EDIL3: variants seen among roughly 807,000 people sequenced by gnomAD.
EDIL3 encodes EGF-like repeat and discoidin I-like domain-containing protein 3.
A neutral mutation model predicts 67.4 loss-of-function variants in EDIL3; 37 were observed. The ratio of observed to expected loss-of-function variants is 0.55; its 90% confidence interval spans 0.42 to 0.72. The LOEUF (loss-of-function observed/expected upper bound fraction) is 0.72. EDIL3 is among the 30% of genes least tolerant of loss of function. The pLI is 0.00. For missense variants in EDIL3, 527 were observed against 586.3 expected (o/e 0.90, Z 1.04); for synonymous variants, 195 against 196.3 (o/e 0.99, Z 0.05).
chr5:84,083,401 A>G (rs1350818334), intron 6 of EDIL3, among the ~76,000 whole-genome samples: 2 of 152,166 alleles, frequency 1.3e-5, no homozygotes, highest in Non-Finnish European at 2.9e-5. Context: ...CATCAGTACA[A>G]TATGACCACT....
intron 9 of EDIL3, among the ~76,000 whole-genome samples, chr5:83,971,292 T>A (rs1036690137): frequency 1.3e-5 from 2 of 150,866 alleles, no homozygotes; most frequent in African/African-American, 4.9e-5. Context: ...TTTTTTTTTT[T>A]AAAGAGACAG....
At chr5:84,309,161 G>T (rs1746329594) in intron 1 of EDIL3, among the ~76,000 whole-genome samples, 1 of 152,106 alleles carries the variant, frequency 6.6e-6, no homozygotes, top group Admixed American at 6.6e-5. Context: ...AGTATCTCAT[G>T]ACAGAATTTC....
At chr5:83,980,160 A>G (rs939954870) in intron 9 of EDIL3, among the ~76,000 whole-genome samples, 1 of 151,412 alleles carries the variant, frequency 6.6e-6, no homozygotes, top group African/African-American at 2.4e-5. Flanking sequence ...CATTTTACCT[A>G]TTTTCCTTTC....
In EDIL3 at chr5:83,940,991, A is replaced by G. The variant is rs1744213806; in HGVS notation, c.*2428T>C. On this transcript the variant is annotated 3_prime_UTR_variant, in exon 11 of 11. Coordinates refer to ENST00000296591, the MANE Select transcript of EDIL3 (RefSeq NM_005711.5). Reference sequence around the variant, plus strand: ...TCATTAATTGTAAAATTAGCATGTTATATTTACTCAATATAGTGAAGACTA... The same window carrying G: ...TCATTAATTGTAAAATTAGCATGTTGTATTTACTCAATATAGTGAAGACTA... The G allele has an allele frequency of 6.6e-6, 1 of 152,022 alleles. No individual in the cohort carries two copies. Among genetic ancestry groups the G allele is most frequent in the African/African-American group, 2.4e-5 (1 of 41,446 alleles). 9.4% of individuals were successfully genotyped at this position (152,022 alleles called of 1,614,324 possible).
At chr5:84,146,456 T>G (rs1016759815) in intron 4 of EDIL3, among the ~76,000 whole-genome samples, 17 of 152,276 alleles carry the variant, frequency 1.1e-4, no homozygotes, top group Non-Finnish European at 2.2e-4. Context: ...TTTTATGTGC[T>G]AAGAAGGACA....
chr5:83,960,817 T>C (rs1744594068), intron 10 of EDIL3, among the ~76,000 whole-genome samples: 1 of 150,908 alleles, frequency 6.6e-6, no homozygotes, highest in Admixed American at 6.6e-5. Context: ...CAAAAATAGA[T>C]GTGACAAATA....
chr5:84,297,203 C>T (rs1349194842), intron 1 of EDIL3, among the ~76,000 whole-genome samples: 5 of 141,148 alleles, frequency 3.5e-5, no homozygotes, highest in Admixed American at 1.4e-4. Context: ...AAAAAGACAC[C>T]ATTAAAAAGT....
intron 3 of EDIL3, among the ~76,000 whole-genome samples, chr5:84,181,931 T>C (rs1749020746): frequency 6.6e-6 from 1 of 152,136 alleles, no homozygotes; most frequent in Admixed American, 6.6e-5. Flanking sequence ...AAACTAAGTA[T>C]CTGACTGTGT....
chr5:84,295,651 T>C (rs150604358), intron 1 of EDIL3, among the ~76,000 whole-genome samples: 53 of 152,180 alleles, frequency 3.5e-4, no homozygotes, highest in African/African-American at 1.3e-3. Context: ...AATTTAAACA[T>C]ATTACTCTTA....
chr5:84,239,287 T>C (rs1050216428), intron 2 of EDIL3, among the ~76,000 whole-genome samples: 2 of 152,298 alleles, frequency 1.3e-5, no homozygotes, highest in Non-Finnish European at 1.5e-5. Context: ...TTTTAAAATA[T>C]AGTAATGAGA....
intron 6 of EDIL3, among the ~76,000 whole-genome samples, chr5:84,099,479 A>G (rs946067032): frequency 1.3e-5 from 2 of 152,230 alleles, no homozygotes; most frequent in African/African-American, 2.4e-5. Flanking sequence ...CAATGGGGAA[A>G]GGATTCCCTA....
intron 5 of EDIL3, among the ~76,000 whole-genome samples, chr5:84,123,460 TC>T (rs1357859605): frequency 6.6e-6 from 1 of 151,912 alleles, no homozygotes; most frequent in Non-Finnish European, 1.5e-5. Flanking sequence ...CCTGTATATT[TC>T]TCTTTTCTAT....
chr5:84,129,475 T>C (rs1580340467), intron 5 of EDIL3, among the ~76,000 whole-genome samples: 1 of 152,088 alleles, frequency 6.6e-6, no homozygotes. Flanking sequence ...TTTATTTATT[T>C]ATTTTTAATG....
chr5:84,371,456 G>GAGAGAGAGAGAGAGAGAGAA (rs1747853178), intron 1 of EDIL3, among the ~76,000 whole-genome samples: 1 of 93,112 alleles, frequency 1.1e-5, no homozygotes, highest in Admixed American at 9.9e-5. Flanking sequence ...TATATAGAGA[G>GAGAGAGAGAGAGAGAGAGAA]AGAGAGAGAG....
At chr5:84,372,055 G>T (rs1747866961) in intron 1 of EDIL3, among the ~76,000 whole-genome samples, 1 of 152,056 alleles carries the variant, frequency 6.6e-6, no homozygotes, top group African/African-American at 2.4e-5. Context: ...TAAAAATTCA[G>T]AATGTAGCTT....
At chr5:84,064,511 A>G (rs1216964719) in intron 8 of EDIL3, among the ~76,000 whole-genome samples, 189 bp downstream of exon 8, 1 of 152,216 alleles carries the variant, frequency 6.6e-6, no homozygotes, top group East Asian at 1.9e-4. Context: ...TCTACCCTGT[A>G]GCATGTTTTA....
chr5:84,350,782 T>C lies in EDIL3; in HGVS notation c.67+33526A>G, dbSNP rs1360743616. The stretch of plus-strand genomic sequence containing the variant: ...TTCAATAGAAATATAAAGTGAACTA[T>C]ATAGGCAATTTTAAATTTTCTAGTA... On this transcript the variant is annotated intron_variant, in intron 1 of 10. Transcript: ENST00000296591. 5.9e-5 allele frequency among the ~76,000 whole-genome samples: 9 copies of C among 152,122 alleles called. No individual in the cohort carries two copies. In the South Asian group the frequency reaches 1.7e-3, roughly 28 times the overall value.
chr5:84,056,134 A>C (rs1416434463), intron 9 of EDIL3, among the ~76,000 whole-genome samples: 2 of 152,188 alleles, frequency 1.3e-5, no homozygotes, highest in African/African-American at 4.8e-5. Context: ...ATGGAATACT[A>C]GGCAGCCATA....
intron 1 of EDIL3, among the ~76,000 whole-genome samples, chr5:84,347,167 T>A (rs1039002198): frequency 6.6e-6 from 1 of 152,308 alleles, no homozygotes; most frequent in Middle Eastern, 3.4e-3. Context: ...TGTCCACATG[T>A]TCTGTCCTAG....
Sources: gnomAD v4.1 joint callset for allele counts (sites outside exome capture counted in the v4.1 genomes callset) on GRCh38, gnomAD v4.1.1 for gene constraint, MANE v1.5 for transcripts, NCBI Gene and HGNC (gene_info 2026-07-23, HGNC 2026-07-21) for gene names.